Variants in C10orf67 observed in about 807,000 individuals in gnomAD.
The protein encoded by C10orf67 is chromosome 10 open reading frame 67.
In C10orf67, 60 loss-of-function variants were observed where a neutral mutation model predicts 35.6. That is an observed-to-expected ratio of 1.68 (90% confidence interval 1.37 to 2.09). The LOEUF (loss-of-function observed/expected upper bound fraction) is 2.09. Ranked by LOEUF, C10orf67 falls within the 30% of genes most tolerant of loss-of-function variation. C10orf67 has a pLI of 0.00. For missense variants in C10orf67, 474 were observed against 330.2 expected, an observed-to-expected ratio of 1.44 and a Z score of -3.38; for synonymous variants, 167 against 115.8, an observed-to-expected ratio of 1.44 and a Z score of -2.84.
chr10:23,215,565 C>A (rs1044594561), intron 15 of C10orf67, among the ~76,000 whole-genome samples: 5 of 152,042 alleles, frequency 3.3e-5, no homozygotes, highest in Admixed American at 3.3e-4. Flanking sequence ...GTGTAAGCCA[C>A]CATGCCCGGC....
chr10:23,278,121 C>T (rs980091725), intron 8 of C10orf67, among the ~76,000 whole-genome samples: 3 of 152,164 alleles, frequency 2.0e-5, no homozygotes, highest in African/African-American at 2.4e-5. Context: ...TCCCATGAGG[C>T]CCCCACTCCA....
In C10orf67 at chr10:23,256,334, T is replaced by C. The variant is rs536643265; in HGVS notation, c.1201-5643A>G. ...TCCATTTTATTTAAAAAATTGAGAC[T>C]CCTGGCTCCCGCTTAGGAAGCAAAA... On this transcript the variant is annotated intron_variant, in intron 10 of 15. Coordinates refer to ENST00000636213, the MANE Select transcript of C10orf67 (RefSeq NM_001371909.1). Among the ~76,000 whole-genome samples, 9 of 152,260 alleles carry C rather than the reference T, an allele frequency of 5.9e-5. 1 individual carries two copies. The South Asian group carries it at 1.2e-3, about 21-fold the overall frequency.
intron 10 of C10orf67, among the ~76,000 whole-genome samples, chr10:23,260,049 A>C (rs978975045): frequency 1.3e-5 from 2 of 152,166 alleles, no homozygotes; most frequent in East Asian, 3.8e-4. Flanking sequence ...AATAGAAATA[A>C]AGAGGTGAAG....
intron 12 of C10orf67, among the ~76,000 whole-genome samples, chr10:23,241,096 T>C (rs942124588): frequency 2.6e-5 from 4 of 152,214 alleles, no homozygotes; most frequent in Non-Finnish European, 5.9e-5. Context: ...AGCCCAGGCC[T>C]TGAAACCTAA....
intron 5 of C10orf67, among the ~76,000 whole-genome samples, chr10:23,302,938 T>C (rs1030135241): frequency 2.6e-5 from 4 of 152,204 alleles, no homozygotes; most frequent in Non-Finnish European, 5.9e-5. Flanking sequence ...AAGATTAGCT[T>C]TGTGTCTTTC....
At chr10:23,245,408 A>G (rs1380879607) in intron 12 of C10orf67, among the ~76,000 whole-genome samples, 5 of 152,224 alleles carry the variant, frequency 3.3e-5, no homozygotes, top group African/African-American at 4.8e-5. Context: ...AGAAAACAAC[A>G]AAATGAAAAG....
intron 15 of C10orf67, among the ~76,000 whole-genome samples, chr10:23,222,398 T>A (rs960239489): frequency 3.3e-5 from 5 of 152,128 alleles, no homozygotes; most frequent in African/African-American, 1.2e-4. Flanking sequence ...ATAAGTGAAT[T>A]CATATAGAAG....
At chr10:23,252,105 G>A (rs1842469800) in intron 10 of C10orf67, among the ~76,000 whole-genome samples, 1 of 152,068 alleles carries the variant, frequency 6.6e-6, no homozygotes, top group African/African-American at 2.4e-5. Flanking sequence ...TATTAGAAAG[G>A]TGCTAGATCT....
At chr10:23,219,548 C>T (rs926711942) in intron 15 of C10orf67, among the ~76,000 whole-genome samples, 1 of 152,192 alleles carries the variant, frequency 6.6e-6, no homozygotes, top group South Asian at 2.1e-4. Context: ...ATAATTACTA[C>T]TGCATAAAAA....
At chr10:23,207,003 G>A (rs921304286) in intron 15 of C10orf67, among the ~76,000 whole-genome samples, 1 of 152,196 alleles carries the variant, frequency 6.6e-6, no homozygotes, top group Non-Finnish European at 1.5e-5. Flanking sequence ...AGAAAGCACT[G>A]TCATCTGATG....
chr10:23,227,621 T>C (rs560616815), intron 13 of C10orf67, among the ~76,000 whole-genome samples: 10 of 152,292 alleles, frequency 6.6e-5, no homozygotes, highest in African/African-American at 2.2e-4. Context: ...TAAATGATAC[T>C]TAATTTGGAA....
chr10:23,319,044 G>A (rs1328939235), intron 4 of C10orf67: 19 of 671,302 alleles, frequency 2.8e-5, no homozygotes. Context: ...ACATGTACAG[G>A]TTTATTACAT....
At chr10:23,242,388 G>T (rs117606889) in intron 12 of C10orf67, among the ~76,000 whole-genome samples, 5 of 152,218 alleles carry the variant, frequency 3.3e-5, no homozygotes, top group Non-Finnish European at 4.4e-5. Context: ...AAAGCTGAGA[G>T]AATTATTTGC....
chr10:23,333,192 A>G lies in C10orf67; in HGVS notation c.207-10T>C, dbSNP rs781561986. On this transcript the variant is annotated splice_polypyrimidine_tract_variant and intron_variant, in intron 1 of 15. Coordinates refer to ENST00000636213, the MANE Select transcript of C10orf67 (RefSeq NM_001371909.1). ...ATCTGAAATGTTAAGTCTGAAAACA[A>G]AGGAAATGAAATGTGCTTTAAGTCA... is the stretch of plus-strand genomic sequence containing the variant. 4 of 1,592,234 alleles carry G rather than the reference A, an allele frequency of 2.5e-6. 1 individual carries two copies. In the South Asian group the frequency reaches 4.6e-5, roughly 18 times the overall value.
At chr10:23,275,867 C>T (rs1318348976) in intron 8 of C10orf67, among the ~76,000 whole-genome samples, 1 of 152,156 alleles carries the variant, frequency 6.6e-6, no homozygotes, top group Non-Finnish European at 1.5e-5. Flanking sequence ...TGCTAGCTCA[C>T]TTGACAAGTT....
At chr10:23,332,999 GA>G (rs955786777) in intron 2 of C10orf67, 62 bp downstream of exon 2, 1 of 1,502,276 alleles carries the variant, frequency 6.7e-7, no homozygotes, top group Non-Finnish European at 9.1e-7. Context: ...GTCTATGAAA[GA>G]AACATGAAGG....
intron 12 of C10orf67, 128 bp downstream of exon 12, chr10:23,250,327 T>C (rs969173652): frequency 2.5e-6 from 1 of 393,746 alleles, no homozygotes. Flanking sequence ...CCAATTATTT[T>C]GCATTTCTTG....
chr10:23,306,356 C>T lies in C10orf67; in HGVS notation c.547-2897G>A, dbSNP rs145968623. The stretch of plus-strand genomic sequence containing the variant: ...CTGGCCAACATGTGAAACCCTGTCT[C>T]TACTAAAAATGCAAAAAATTAGCTG... On this transcript the variant is annotated intron_variant, in intron 4 of 15. Transcript: ENST00000636213. Among the ~76,000 whole-genome samples the T allele has an allele frequency of 1.5e-3, 228 of 151,914 alleles. 3 individuals carry two copies. Among genetic ancestry groups the T allele is most frequent in the African/African-American group, 5.3e-3 (220 of 41,418 alleles).
intron 13 of C10orf67, among the ~76,000 whole-genome samples, chr10:23,226,486 A>T (rs1184204528): frequency 6.6e-6 from 1 of 152,202 alleles, no homozygotes; most frequent in African/African-American, 2.4e-5. Flanking sequence ...AAGAGAAAGC[A>T]GGAAAGATCT....
Sources: gnomAD v4.1 joint callset for allele counts (sites outside exome capture counted in the v4.1 genomes callset) on GRCh38, gnomAD v4.1.1 for gene constraint, MANE v1.5 for transcripts, NCBI Gene and HGNC (gene_info 2026-07-23, HGNC 2026-07-21) for gene names.